Variants in COL20A1 observed in about 807,000 individuals in gnomAD.
COL20A1 encodes the protein collagen type XX alpha 1 chain.
COL20A1 carries 164 observed loss-of-function variants against 152.9 expected under a neutral mutation model. The ratio of observed to expected loss-of-function variants is 1.07; its 90% CI spans 0.94 to 1.22. The LOEUF (loss-of-function observed/expected upper bound fraction) is 1.22. COL20A1 is among the 50% of genes most tolerant of loss of function. The probability of loss-of-function intolerance (pLI) is 0.00; values close to 1 mark genes in which losing one functional copy is unlikely to be tolerated. For missense variants in COL20A1, 1,873 were observed against 1,744.8 expected (o/e 1.07, Z -1.31); for synonymous variants, 864 against 756.0 (o/e 1.14, Z -2.34).
At chr20:63,320,391 G>C in intron 25 of COL20A1, 23 bp downstream of exon 25, 1 of 1,608,398 alleles carries the variant, frequency 6.2e-7, no homozygotes, top group East Asian at 2.2e-5. Flanking sequence ...CCTTGCCCCT[G>C]TTCCACGAAG....
At chr20:63,296,696 G>A (rs567963039) in intron 2 of COL20A1, among the ~76,000 whole-genome samples, 2 of 152,334 alleles carry the variant, frequency 1.3e-5, no homozygotes, top group East Asian at 3.9e-4. Context: ...TCACAAGCAG[G>A]GGCTGCGGGA....
At chr20:63,322,943 G>C (rs1430516962) in intron 27 of COL20A1, among the ~76,000 whole-genome samples, 1 of 152,262 alleles carries the variant, frequency 6.6e-6, no homozygotes, top group Non-Finnish European at 1.5e-5. Flanking sequence ...CTCAGGCACA[G>C]AGTCCCTAGG....
At chr20:63,307,723 C>G (rs960807932) in intron 6 of COL20A1, 75 bp downstream of exon 6, 2 of 1,507,168 alleles carry the variant, frequency 1.3e-6, no homozygotes, top group African/African-American at 2.7e-5. Context: ...AGGCTGTGAC[C>G]TGTGGGGGTC....
intron 11 of COL20A1, among the ~76,000 whole-genome samples, 181 bp downstream of exon 11, chr20:63,310,691 G>T (rs915480328): frequency 6.6e-6 from 1 of 152,070 alleles, no homozygotes; most frequent in Admixed American, 6.6e-5. Flanking sequence ...TCTGACCCTG[G>T]GTGTTCTCTT....
intron 3 of COL20A1, among the ~76,000 whole-genome samples, chr20:63,298,735 C>T (rs950192936): frequency 6.6e-6 from 1 of 152,216 alleles, no homozygotes; most frequent in Non-Finnish European, 1.5e-5. Flanking sequence ...GCCTTGAGGA[C>T]ACCTTTTCAG....
intron 26 of COL20A1, 135 bp downstream of exon 26, chr20:63,321,234 A>C: frequency 1.8e-5 from 11 of 614,540 alleles, no homozygotes; most frequent in East Asian, 2.8e-5. Context: ...GATGTATTTC[A>C]TGAGCCTCTT....
chr20:63,326,498 G>A (rs1017356615), intron 30 of COL20A1, among the ~76,000 whole-genome samples: 2 of 152,134 alleles, frequency 1.3e-5, no homozygotes, highest in Non-Finnish European at 2.9e-5. Flanking sequence ...CACTGGAGCA[G>A]CTGGCACAGC....
At chr20:63,307,150 G>A (rs566080000) in intron 5 of COL20A1, among the ~76,000 whole-genome samples, 193 of 152,362 alleles carry the variant, frequency 1.3e-3, no homozygotes, top group Non-Finnish European at 2.3e-3. Context: ...TGCTCACGGC[G>A]GCTCTGCTGG....
chr20:63,327,864 G>A (rs2068274520), intron 31 of COL20A1, 88 bp from the exon 32 acceptor site: 2 of 1,353,548 alleles, frequency 1.5e-6, no homozygotes, highest in South Asian at 2.5e-5. Context: ...CTGCCTGAGT[G>A]AGGATCCACC....
At chr20:63,321,992 C>A in intron 26 of COL20A1, 66 bp from the exon 27 acceptor site, 2 of 1,356,718 alleles carry the variant, frequency 1.5e-6, no homozygotes, top group Non-Finnish European at 2.0e-6. Context: ...GGCTCAGGGG[C>A]TGGTCTTTGC....
In COL20A1 at chr20:63,310,149, C is replaced by T. The variant is rs546202618; in HGVS notation, c.1264-232C>T. On this transcript the variant is annotated intron_variant, in intron 10 of 35. Coordinates refer to ENST00000358894, the MANE Select transcript of COL20A1 (RefSeq NM_020882.4). ...CAGAGCAGGGGGCGTTCCGAGGGTGCTGGGGTTAGGGTCAGACTCAGAGCG... is the reference window on the plus strand; with the variant it reads ...CAGAGCAGGGGGCGTTCCGAGGGTGTTGGGGTTAGGGTCAGACTCAGAGCG... 6.6e-5 allele frequency among the ~76,000 whole-genome samples: 10 copies of T among 152,226 alleles called. No homozygotes were observed. The South Asian group carries it at 1.5e-3, about 22-fold the overall frequency.
At chr20:63,325,609 G>A in intron 28 of COL20A1, 59 bp from the exon 29 acceptor site, 2 of 1,576,902 alleles carry the variant, frequency 1.3e-6, no homozygotes, top group Non-Finnish European at 1.7e-6. Context: ...CTCACAGGCA[G>A]GGCCACCTCT....
In COL20A1 at chr20:63,305,331, G is replaced by A; in HGVS notation, c.194-86G>A. 1 of 1,149,952 alleles carries A rather than the reference G, an allele frequency of 8.7e-7. No individual in the cohort carries two copies. The highest frequency in any genetic ancestry group is 1.1e-6 in the Non-Finnish European group (1 of 876,500). 71.2% of individuals were successfully genotyped at this position (1,149,952 alleles called of 1,614,324 possible). ...AGGGGAGCAGCTGGGGTGGGGAGGA[G>A]GAGCCAAGAGGGTTTCACTCCCCGC... On this transcript the variant is annotated intron_variant, in intron 3 of 35. Coordinates refer to ENST00000358894, the MANE Select transcript of COL20A1 (RefSeq NM_020882.4). The surrounding 1 kb of genome is among the most constrained non-coding windows in gnomAD (Gnocchi z 4.9).
intron 9 of COL20A1, 93 bp downstream of exon 9, chr20:63,309,590 A>G (rs2067977113): frequency 1.5e-6 from 2 of 1,324,624 alleles, no homozygotes; most frequent in South Asian, 3.1e-5. Context: ...GTGGTACCTG[A>G]GGCCGGCTCC....
intron 34 of COL20A1, 166 bp from the exon 35 acceptor site, chr20:63,329,419 G>A (rs1318825010): frequency 3.3e-6 from 2 of 614,794 alleles, no homozygotes; most frequent in South Asian, 1.9e-5. Flanking sequence ...CCTGTGTGGA[G>A]CACGGGGACC....
chr20:63,296,037 C>T (rs1334991695), intron 2 of COL20A1, among the ~76,000 whole-genome samples: 1 of 152,276 alleles, frequency 6.6e-6, no homozygotes, highest in African/African-American at 2.4e-5. Flanking sequence ...GCGAGGGAGC[C>T]TCCAGGTGCC....
rs41283002 is a variant in COL20A1, at chr20:63,313,885, G to A, written c.2352G>A (p.Glu784=). 0.013 allele frequency: 21,417 copies of A among 1,601,158 alleles called. 190 individuals carry two copies. Among genetic ancestry groups the A allele is most frequent in the Middle Eastern group, 0.027 (164 of 5,966 alleles). ...CCCCCGCCTCTGGCTTGGGACCCGA[G>A]AAATCCGTGAGTCTTGGTAGAGCCT... ...TYAPASGLGP[E]KSVSVPGARS... The change falls in exon 18 of 36, where the codon GAG becomes GAA. Residue 784 remains glutamate, a synonymous_variant. Transcript: ENST00000358894. This position sits in a 1 kb window ranked among gnomAD's most constrained non-coding sequence, Gnocchi z 5.9.
In COL20A1 at chr20:63,321,113, C is replaced by T. The variant is rs1477737646; in HGVS notation, c.3240+14C>T. The T allele has an allele frequency of 6.4e-6, 10 of 1,564,584 alleles. No homozygotes were observed. The highest frequency in any genetic ancestry group is 4.1e-5 in the African/African-American group (3 of 73,664). ...CAAGGACCCCCAGTGAGTCCAGTGG[C>T]GTCTCCTTGGGGTGACCAGGGAACA... On this transcript the variant is annotated intron_variant, in intron 26 of 35. Coordinates refer to ENST00000358894, the MANE Select transcript of COL20A1 (RefSeq NM_020882.4).
At chr20:63,327,830 C>G in intron 31 of COL20A1, 122 bp from the exon 32 acceptor site, 3 of 1,014,480 alleles carry the variant, frequency 3.0e-6, no homozygotes, top group Non-Finnish European at 4.4e-6. Flanking sequence ...ATGGGGCTTT[C>G]ACACCGCCAC....
Sources: gnomAD v4.1 joint callset for allele counts (sites outside exome capture counted in the v4.1 genomes callset) on GRCh38, gnomAD v4.1.1 for gene constraint, Gnocchi (gnomAD v3.1) non-coding constraint, MANE v1.5 for transcripts, NCBI Gene and HGNC (gene_info 2026-07-23, HGNC 2026-07-21) for gene names.